The following TJAP1 variants were observed in gnomAD, a reference collection of about 807,000 sequenced individuals.
TJAP1 encodes tight junction associated protein 1.
A neutral mutation model predicts 42.0 loss-of-function variants in TJAP1; 27 were observed. That is an observed-to-expected ratio of 0.64 (90% confidence interval 0.47 to 0.89). The LOEUF (loss-of-function observed/expected upper bound fraction) is 0.89, where lower values mean the gene tolerates loss of function less well. Ranked by LOEUF, TJAP1 falls within the 40% of genes least tolerant of loss-of-function variation. The probability of loss-of-function intolerance (pLI) is 0.00; values close to 1 mark genes in which losing one functional copy is unlikely to be tolerated. For missense variants in TJAP1, 712 were observed against 726.9 expected (o/e 0.98, Z 0.24); for synonymous variants, 257 against 288.4 (o/e 0.89, Z 1.10).
intron 2 of TJAP1, chr6:43,497,187 G>A (rs936885931): frequency 6.6e-6 from 1 of 152,226 alleles, no homozygotes; most frequent in Non-Finnish European, 1.5e-5. Flanking sequence ...CTAGGTGCCA[G>A]TGGCACTCCT....
chr6:43,489,869 G>A (rs1193142006), intron 2 of TJAP1: 2 of 152,344 alleles, frequency 1.3e-5, no homozygotes, highest in African/African-American at 4.8e-5. Context: ...GCATCCTGCA[G>A]CTTGCCATTC....
intron 2 of TJAP1, among the ~76,000 whole-genome samples, chr6:43,487,411 G>A (rs1308282909): frequency 6.6e-6 from 1 of 152,174 alleles, no homozygotes; most frequent in Non-Finnish European, 1.5e-5. Context: ...GTCTTTGAGG[G>A]TCTTGATATT....
At chr6:43,496,773 G>T (rs1789268502) in intron 2 of TJAP1, among the ~76,000 whole-genome samples, 1 of 152,254 alleles carries the variant, frequency 6.6e-6, no homozygotes, top group African/African-American at 2.4e-5. Flanking sequence ...ATGGGGGCGG[G>T]AAGAGATTGT....
chr6:43,486,794 A>G (rs886349623), intron 2 of TJAP1, among the ~76,000 whole-genome samples: 3 of 152,066 alleles, frequency 2.0e-5, no homozygotes, highest in Non-Finnish European at 4.4e-5. Context: ...CTCTAGTCCC[A>G]TCTAGGCGTA....
chr6:43,477,961 A>G (rs1404511300), intron 1 of TJAP1, 126 bp from the exon 2 acceptor site: 2 of 152,394 alleles, frequency 1.3e-5, no homozygotes, highest in Non-Finnish European at 2.9e-5. Context: ...GCCCGACTGT[A>G]TCTGGCCGGC....
At chr6:43,502,076 A>ACACACACACTCTCTCTCT (rs767085594) in intron 6 of TJAP1, among the ~76,000 whole-genome samples, 3 of 68,956 alleles carry the variant, frequency 4.4e-5, no homozygotes, top group African/African-American at 2.3e-4. Flanking sequence ...ACACACACAC[A>ACACACACACTCTCTCTCT]CTCTCTCTCT....
chr6:43,493,971 C>T (rs1393900604), intron 2 of TJAP1, among the ~76,000 whole-genome samples: 5 of 152,204 alleles, frequency 3.3e-5, no homozygotes, highest in African/African-American at 4.8e-5. Flanking sequence ...GCTTCTGGTA[C>T]AGATCATGCC....
At position 43,502,589 on chromosome 6, in the gene TJAP1, CCTCT is replaced by C; in HGVS notation, c.362_365del (p.Ser121LeufsTer26). ...GTTGCTGCTGCACTCTCCTCTCAGG[CCTCT>C]CTTAGCCACAGCTGGATTTTTGCAG... On this transcript the variant is annotated frameshift_variant and splice_region_variant, in exon 8 of 11. Transcript: ENST00000372449. LOFTEE classifies it high-confidence loss of function. The C allele has an allele frequency of 6.4e-7, 1 of 1,551,790 alleles. No homozygotes were observed. The highest frequency in any genetic ancestry group is 8.7e-7 in the Non-Finnish European group (1 of 1,147,020).
At chr6:43,490,297 G>A (rs1341128829) in intron 2 of TJAP1, among the ~76,000 whole-genome samples, 1 of 152,122 alleles carries the variant, frequency 6.6e-6, no homozygotes, top group African/African-American at 2.4e-5. Flanking sequence ...CCCCGAGTCA[G>A]CAGCGTGCTC....
In TJAP1 at chr6:43,495,807, G is replaced by A. The variant is rs1295943266; in HGVS notation, c.-121-2074G>A. Among the ~76,000 whole-genome samples the A allele has an allele frequency of 6.6e-6, 1 of 152,154 alleles. No individual in the cohort carries two copies. Among genetic ancestry groups the A allele is most frequent in the East Asian group, 1.9e-4 (1 of 5,194 alleles). On this transcript the variant is annotated intron_variant, in intron 2 of 10. Transcript: ENST00000372449. The surrounding 1 kb of genome is among the most constrained non-coding windows in gnomAD (Gnocchi z 4.6). ...ATACATGCTGTAGGGCCAGGGAGTG[G>A]GGCTTGAGGTCAGGGTGAGGCAGGA...
intron 6 of TJAP1, among the ~76,000 whole-genome samples, chr6:43,502,078 T>A (rs6920717): frequency 0.12 from 8,164 of 65,604 alleles, 408 homozygotes; most frequent in South Asian, 0.15. Context: ...ACACACACAC[T>A]CTCTCTCTCT....
chr6:43,478,297 T>G (rs1784622956), intron 2 of TJAP1, 65 bp downstream of exon 2: 2 of 152,192 alleles, frequency 1.3e-5, no homozygotes, highest in Admixed American at 6.6e-5. Context: ...TGCATGGGCT[T>G]AGAGTGATGC....
At chr6:43,503,503 C>T in exon 9 of TJAP1, 1 of 1,614,030 alleles carries the variant, frequency 6.2e-7, no homozygotes, top group Non-Finnish European at 8.5e-7. Context: ...GCTGGAAGAG[C>T]TCAATGTATG....
Position 43,491,715 on chromosome 6 carries a change from A to G in TJAP1, c.-121-6166A>G, listed in dbSNP as rs1419771330. 6.6e-6 allele frequency among the ~76,000 whole-genome samples: 1 copy of G among 152,262 alleles called. No individual in the cohort carries two copies. Among genetic ancestry groups the G allele is most frequent in the Non-Finnish European group, 1.5e-5 (1 of 68,040 alleles). On this transcript the variant is annotated intron_variant, in intron 2 of 10. Coordinates refer to ENST00000372449, the Ensembl canonical transcript of TJAP1. The surrounding 1 kb of genome is among the most constrained non-coding windows in gnomAD (Gnocchi z 4.6). ...AATGAATTTTATTATATGATTAATA[A>G]TAGTGAATGTATGATAGTTGATTAA...
intron 1 of TJAP1, among the ~76,000 whole-genome samples, chr6:43,477,837 T>C (rs1442846821): frequency 6.6e-6 from 1 of 150,888 alleles, no homozygotes. Context: ...GGGAGGGGGA[T>C]TTGGGGGCGG....
chr6:43,488,494 T>A (rs972654363), intron 2 of TJAP1, among the ~76,000 whole-genome samples: 1 of 152,230 alleles, frequency 6.6e-6, no homozygotes, highest in Non-Finnish European at 1.5e-5. Context: ...AACAGCGATG[T>A]GGGCATTGGC....
chr6:43,494,528 C>T (rs78937406), intron 2 of TJAP1, among the ~76,000 whole-genome samples: 7,789 of 141,564 alleles, frequency 0.055, 325 homozygotes, highest in African/African-American at 0.13. Context: ...GCTGTTCTTA[C>T]AGAACAGACC....
chr6:43,494,735 C>T (rs1306182316), intron 2 of TJAP1, among the ~76,000 whole-genome samples: 2 of 151,250 alleles, frequency 1.3e-5, no homozygotes, highest in South Asian at 4.2e-4. Flanking sequence ...GCAATCTCCA[C>T]CTCCTGGGTT....
chr6:43,485,376 G>T (rs1238356254), intron 2 of TJAP1, among the ~76,000 whole-genome samples: 3 of 152,162 alleles, frequency 2.0e-5, no homozygotes, highest in Non-Finnish European at 4.4e-5. Flanking sequence ...TCCATTCTTT[G>T]CTTTTTTGTT....
Sources: gnomAD v4.1 joint callset for allele counts (sites outside exome capture counted in the v4.1 genomes callset) on GRCh38, gnomAD v4.1.1 for gene constraint, Gnocchi (gnomAD v3.1) non-coding constraint, MANE v1.5 for transcripts, NCBI Gene and HGNC (gene_info 2026-07-23, HGNC 2026-07-21) for gene names.